ARL6IP5: variants seen among roughly 807,000 people sequenced by gnomAD.
ARL6IP5 encodes the protein ARF like GTPase 6 interacting protein 5, also known as PRA1 family protein 3.
A neutral mutation model predicts 13.0 loss-of-function variants in ARL6IP5; 6 were observed. The ratio of observed to expected loss-of-function variants is 0.46; its 90% CI spans 0.25 to 0.91. The LOEUF (loss-of-function observed/expected upper bound fraction) is 0.91, where lower values mean the gene tolerates loss of function less well. Ranked by LOEUF, ARL6IP5 falls within the 40% of genes least tolerant of loss-of-function variation. The pLI, the probability that ARL6IP5 is intolerant of heterozygous loss-of-function variation, is 0.17. For missense variants in ARL6IP5, 208 were observed against 248.8 expected, an observed-to-expected ratio of 0.84 and a Z score of 1.10; for synonymous variants, 91 against 91.9, an observed-to-expected ratio of 0.99 and a Z score of 0.06.
chr3:69,104,412 T>A (rs2092315791), intron 2 of ARL6IP5, 52 bp from the exon 3 acceptor site: 2 of 1,539,794 alleles, frequency 1.3e-6, no homozygotes, highest in African/African-American at 2.7e-5. Flanking sequence ...AATATTGATA[T>A]GGCAAAAGAG....
Position 69,104,672 on chromosome 3 carries a change from T to C in ARL6IP5, c.*36T>C. On this transcript the variant is annotated 3_prime_UTR_variant, in exon 3 of 3. Coordinates refer to ENST00000273258, the MANE Select transcript of ARL6IP5 (RefSeq NM_006407.4). ...CCTGAGCTAGGGTTGCAGCAGAAAT[T>C]GAGTTGCAGCTTGCCCTTGTCCAGA... The C allele has an allele frequency of 1.9e-6, 3 of 1,604,012 alleles. No individual in the cohort carries two copies. In the South Asian group the frequency reaches 3.3e-5, roughly 18 times the overall value.
At chr3:69,092,865 T>A (rs2092273644) in intron 1 of ARL6IP5, among the ~76,000 whole-genome samples, 1 of 151,818 alleles carries the variant, frequency 6.6e-6, no homozygotes, top group African/African-American at 2.4e-5. Flanking sequence ...AGAAGAACAG[T>A]TTGTAAACAA....
intron 1 of ARL6IP5, among the ~76,000 whole-genome samples, chr3:69,096,556 A>G (rs1193594256): frequency 7.8e-6 from 1 of 128,304 alleles, no homozygotes; most frequent in Non-Finnish European, 1.7e-5. Context: ...TCAATCCTCC[A>G]TTTGAGTTCT....
intron 2 of ARL6IP5, 58 bp downstream of exon 2, chr3:69,102,114 A>G: frequency 1.3e-6 from 2 of 1,556,152 alleles, no homozygotes; most frequent in Non-Finnish European, 1.8e-6. Flanking sequence ...CAATTATCCA[A>G]CGGGAATTCC....
chr3:69,095,109 G>GT (rs1356503192), intron 1 of ARL6IP5, among the ~76,000 whole-genome samples: 1 of 152,138 alleles, frequency 6.6e-6, no homozygotes, highest in African/African-American at 2.4e-5. Flanking sequence ...GGGTTCTACT[G>GT]TGAGTTGCTG....
intron 1 of ARL6IP5, among the ~76,000 whole-genome samples, chr3:69,090,915 G>C (rs77413242): frequency 0.011 from 1,751 of 152,326 alleles, 28 homozygotes; most frequent in African/African-American, 0.04. Context: ...TCTTTATCTA[G>C]GCTGGACATG....
chr3:69,087,441 A>G (rs1173840890), intron 1 of ARL6IP5, among the ~76,000 whole-genome samples: 2 of 152,250 alleles, frequency 1.3e-5, no homozygotes, highest in East Asian at 3.9e-4. Flanking sequence ...TCTTGAGGTA[A>G]CTTAGATGTG....
chr3:69,102,149 G>A (rs2092307777), intron 2 of ARL6IP5, 93 bp downstream of exon 2: 2 of 1,354,638 alleles, frequency 1.5e-6, no homozygotes, highest in Non-Finnish European at 2.1e-6. Context: ...ATATGTGTTG[G>A]CATGTCAGCA....
At chr3:69,103,743 G>A (rs1156655029) in intron 2 of ARL6IP5, among the ~76,000 whole-genome samples, 5 of 152,112 alleles carry the variant, frequency 3.3e-5, no homozygotes, top group Admixed American at 3.3e-4. Context: ...TATTTAACAG[G>A]CTCTCCAGGT....
chr3:69,085,523 C>G (rs548033466), intron 1 of ARL6IP5, among the ~76,000 whole-genome samples: 1 of 152,334 alleles, frequency 6.6e-6, no homozygotes, highest in African/African-American at 2.4e-5. Flanking sequence ...CCCCCGCCCG[C>G]GTGCCAGGAT....
intron 1 of ARL6IP5, among the ~76,000 whole-genome samples, chr3:69,097,339 G>GT (rs201515218): frequency 0.086 from 11,505 of 133,522 alleles, 498 homozygotes; most frequent in East Asian, 0.13. Flanking sequence ...TTTGTGGGGT[G>GT]TTTTTTTTTT....
intron 1 of ARL6IP5, among the ~76,000 whole-genome samples, chr3:69,093,142 T>C (rs2092274958): frequency 6.6e-6 from 1 of 152,180 alleles, no homozygotes. Flanking sequence ...CTGTTGTTTA[T>C]TAAAAACAAA....
chr3:69,098,264 G>A (rs1429584596), intron 1 of ARL6IP5, among the ~76,000 whole-genome samples: 1 of 88,640 alleles, frequency 1.1e-5, no homozygotes, highest in Non-Finnish European at 2.1e-5. Flanking sequence ...TTTTTTTTGA[G>A]ACATAGTTTT....
intron 1 of ARL6IP5, among the ~76,000 whole-genome samples, chr3:69,094,885 A>AT (rs11409848): frequency 0.61 from 92,539 of 151,596 alleles, 28,573 homozygotes; most frequent in Non-Finnish European, 0.66. Context: ...ATTTTGTGAG[A>AT]TTTTTTTTTC....
intron 1 of ARL6IP5, among the ~76,000 whole-genome samples, chr3:69,094,218 C>CTAAT (rs912943627): frequency 3.3e-5 from 5 of 152,166 alleles, no homozygotes; most frequent in African/African-American, 1.2e-4. Context: ...TTCCCTCATG[C>CTAAT]TAATTACTAA....
intron 1 of ARL6IP5, among the ~76,000 whole-genome samples, chr3:69,098,111 C>T (rs2092292890): frequency 6.6e-6 from 1 of 151,790 alleles, no homozygotes; most frequent in Admixed American, 6.6e-5. Flanking sequence ...GAGTCTCACT[C>T]TGTCACCCAG....
rs923698208 is a variant in ARL6IP5, at chr3:69,084,962, T to A, written c.-86T>A. Reference sequence around the variant, plus strand: ...GCAAAGCCGACCGAGACGGAGCCGCTGTCAACTCTCCAACTCAGCTCAGCT... The same window carrying A: ...GCAAAGCCGACCGAGACGGAGCCGCAGTCAACTCTCCAACTCAGCTCAGCT... On this transcript the variant is annotated 5_prime_UTR_variant, in exon 1 of 3. Transcript: ENST00000273258. 5 of 1,524,388 alleles carry A rather than the reference T, an allele frequency of 3.3e-6. No individual in the cohort carries two copies. Among genetic ancestry groups the A allele is most frequent in the Middle Eastern group, 1.8e-4 (1 of 5,678 alleles). 94.4% of individuals were successfully genotyped at this position (1,524,388 alleles called of 1,614,324 possible). A position where few individuals can be genotyped will look rare whatever the true frequency, so the allele number is the denominator to read the frequency against.
At chr3:69,103,757 T>G (rs1025565432) in intron 2 of ARL6IP5, among the ~76,000 whole-genome samples, 9 of 152,126 alleles carry the variant, frequency 5.9e-5, no homozygotes, top group African/African-American at 2.2e-4. Flanking sequence ...TCCAGGTGAT[T>G]TGAATGTACA....
intron 1 of ARL6IP5, among the ~76,000 whole-genome samples, chr3:69,099,136 G>T (rs1329650122): frequency 9.8e-5 from 8 of 81,338 alleles, no homozygotes; most frequent in Non-Finnish European, 1.4e-4. Context: ...GGGCGGGGGG[G>T]GTGGGGGGTG....
Sources: gnomAD v4.1 joint callset for allele counts (sites outside exome capture counted in the v4.1 genomes callset) on GRCh38, gnomAD v4.1.1 for gene constraint, MANE v1.5 for transcripts, NCBI Gene and HGNC (gene_info 2026-07-23, HGNC 2026-07-21) for gene names.